Variants in UBR1 observed in about 807,000 individuals in gnomAD.
The protein encoded by UBR1 is E3 ubiquitin-protein ligase UBR1.
UBR1 carries 102 observed loss-of-function variants against 242.1 expected under a neutral mutation model. The ratio of observed to expected loss-of-function variants is 0.42; its 90% CI spans 0.36 to 0.50. UBR1 has a LOEUF of 0.50. Ranked by LOEUF, UBR1 falls within the 20% of genes least tolerant of loss-of-function variation. The probability of loss-of-function intolerance (pLI) is 0.01; values close to 1 mark genes in which losing one functional copy is unlikely to be tolerated. For synonymous variants in UBR1, 675 were observed against 684.8 expected (o/e 0.99, Z 0.22); for missense variants, 1,772 against 2,101.8 (o/e 0.84, Z 3.07).
chr15:42,967,320 C>T (rs1053077889), intron 40 of UBR1, among the ~76,000 whole-genome samples: 1 of 146,338 alleles, frequency 6.8e-6, no homozygotes, highest in Non-Finnish European at 1.5e-5. Flanking sequence ...ACCTCAGTTT[C>T]CCAAAGTGCT....
In UBR1 at chr15:43,032,551, T is replaced by C. The variant is rs765110745; in HGVS notation, c.2254+17A>G. ...GTAACCCATGTTCTATTTCAAAACA[T>C]TGTGTTTTAATCTTACCCACAATAT... On this transcript the variant is annotated intron_variant, in intron 20 of 46. Coordinates refer to ENST00000290650, the MANE Select transcript of UBR1 (RefSeq NM_174916.3). 4 of 1,504,602 alleles carry C rather than the reference T, an allele frequency of 2.7e-6. No individual in the cohort carries two copies. The South Asian group carries it at 3.4e-5, about 13-fold the overall frequency. 93.2% of individuals were successfully genotyped at this position (1,504,602 alleles called of 1,614,324 possible). A position where few individuals can be genotyped will look rare whatever the true frequency, so the allele number is the denominator to read the frequency against.
At chr15:43,046,483 C>G (rs2033488201) in intron 14 of UBR1, among the ~76,000 whole-genome samples, 2 of 152,004 alleles carry the variant, frequency 1.3e-5, no homozygotes, top group Non-Finnish European at 2.9e-5. Flanking sequence ...GAAGCTAACT[C>G]CAGGAAAAAG....
At chr15:42,975,421 G>A (rs1048241711) in intron 39 of UBR1, among the ~76,000 whole-genome samples, 5 of 143,384 alleles carry the variant, frequency 3.5e-5, no homozygotes, top group Non-Finnish European at 6.2e-5. Context: ...ATCTCCCATC[G>A]ATGGACAGCT....
At chr15:43,038,122 T>G (rs1202896431) in intron 16 of UBR1, 49 bp downstream of exon 16, 10 of 1,591,708 alleles carry the variant, frequency 6.3e-6, no homozygotes, top group Non-Finnish European at 6.9e-6. Context: ...AACCAAGAGA[T>G]ATTCAGAAAC....
intron 3 of UBR1, among the ~76,000 whole-genome samples, chr15:43,077,388 C>T (rs1490146075): frequency 4.0e-5 from 6 of 151,770 alleles, no homozygotes; most frequent in African/African-American, 1.5e-4. Context: ...GTGCTGTGTC[C>T]ACTCAGGGTT....
chr15:43,019,085 G>T (rs953719348), intron 27 of UBR1, among the ~76,000 whole-genome samples: 4 of 150,344 alleles, frequency 2.7e-5, no homozygotes, highest in African/African-American at 7.3e-5. Flanking sequence ...TTTTTGAGAC[G>T]GAGTCTCGCT....
At position 42,966,495 on chromosome 15, in the gene UBR1, T is replaced by A. The variant is rs576945002; in HGVS notation, c.4458-209A>T. Among the ~76,000 whole-genome samples, 26 of 152,262 alleles carry A rather than the reference T, an allele frequency of 1.7e-4. No homozygotes were observed. The South Asian group carries it at 5.4e-3, about 32-fold the overall frequency. ...TGAGGTCAGGAGTTCAAGACCAGCC[T>A]GGCCAACATGGCAAAACCCCAGTCT... is the stretch of plus-strand genomic sequence containing the variant. On this transcript the variant is annotated intron_variant, in intron 40 of 46. Coordinates refer to ENST00000290650, the MANE Select transcript of UBR1 (RefSeq NM_174916.3).
At chr15:42,963,806 T>C in intron 42 of UBR1, 129 bp downstream of exon 42, 1 of 703,546 alleles carries the variant, frequency 1.4e-6, no homozygotes, top group Non-Finnish European at 2.5e-6. Context: ...GTGTGTAACT[T>C]AGGAATCTCC....
intron 6 of UBR1, among the ~76,000 whole-genome samples, chr15:43,065,287 T>C (rs1448972679): frequency 6.6e-6 from 1 of 152,220 alleles, no homozygotes; most frequent in East Asian, 1.9e-4. Context: ...TCTATTCTTT[T>C]TGCCTTTTCT....
intron 1 of UBR1, among the ~76,000 whole-genome samples, chr15:43,095,733 A>G (rs1192786992): frequency 6.6e-6 from 1 of 152,232 alleles, no homozygotes; most frequent in Non-Finnish European, 1.5e-5. Flanking sequence ...TAAAAGCTTA[A>G]GGAAAATTAT....
chr15:42,958,571 A>G (rs1210141737), intron 43 of UBR1, among the ~76,000 whole-genome samples: 1 of 152,236 alleles, frequency 6.6e-6, no homozygotes, highest in Non-Finnish European at 1.5e-5. Context: ...GAACTTATCA[A>G]TTAAAAGGCT....
intron 2 of UBR1, among the ~76,000 whole-genome samples, chr15:43,083,379 T>A (rs2033995704): frequency 1.3e-5 from 2 of 152,188 alleles, no homozygotes; most frequent in Non-Finnish European, 1.5e-5. Flanking sequence ...GATTATTATT[T>A]TTTTTTCTTT....
At chr15:43,054,974 G>T (rs1054860675) in intron 11 of UBR1, 75 bp from the exon 12 acceptor site, 5 of 1,507,822 alleles carry the variant, frequency 3.3e-6, no homozygotes, top group African/African-American at 1.4e-5. Context: ...CATTCATTTG[G>T]TTAGTCAGTA....
intron 25 of UBR1, among the ~76,000 whole-genome samples, chr15:43,024,116 G>T (rs570665293): frequency 6.6e-6 from 1 of 152,300 alleles, no homozygotes; most frequent in South Asian, 2.1e-4. Context: ...GACTCAGGGA[G>T]AGAAATTTTA....
intron 22 of UBR1, among the ~76,000 whole-genome samples, chr15:43,026,993 A>G (rs1194973509): frequency 6.6e-6 from 1 of 152,126 alleles, no homozygotes; most frequent in African/African-American, 2.4e-5. Context: ...TGTCTGTTCA[A>G]CTAAAGAACA....
At position 42,966,699 on chromosome 15, in the gene UBR1, A is replaced by T. The variant is rs894943530; in HGVS notation, c.4458-413T>A. The stretch of plus-strand genomic sequence containing the variant: ...ACTCAAAAAAAAAAAAAAAAATTTG[A>T]GTAGCAAATAGTTTCAGTGTTTAAA... On this transcript the variant is annotated intron_variant, in intron 40 of 46. Transcript: ENST00000290650. Among the ~76,000 whole-genome samples the T allele has an allele frequency of 2.0e-5, 3 of 151,912 alleles. No homozygotes were observed. The East Asian group carries it at 5.8e-4, about 29-fold the overall frequency.
chr15:43,025,544 A>G, intron 23 of UBR1, 115 bp from the exon 24 acceptor site: 1 of 746,710 alleles, frequency 1.3e-6, no homozygotes, highest in Non-Finnish European at 2.3e-6. Context: ...ATACTGAAGC[A>G]TGTATTCAAA....
At chr15:43,072,172 C>T (rs7181079) in intron 4 of UBR1, among the ~76,000 whole-genome samples, 6,493 of 151,768 alleles carry the variant, frequency 0.043, 185 homozygotes, top group Middle Eastern at 0.1. Context: ...GCTTTTCATA[C>T]GATATAAAAT....
At chr15:43,020,511 A>G (rs2033095758) in intron 27 of UBR1, among the ~76,000 whole-genome samples, 1 of 152,226 alleles carries the variant, frequency 6.6e-6, no homozygotes, top group Non-Finnish European at 1.5e-5. Context: ...CAGTCTCCTA[A>G]CAGTTTCCTT....
Sources: allele counts gnomAD v4.1 joint callset (sites outside exome capture counted in the v4.1 genomes callset), GRCh38; gene constraint gnomAD v4.1.1; transcripts MANE v1.5; gene names NCBI Gene and HGNC (gene_info 2026-07-23, HGNC 2026-07-21).